Variants in CAMTA1 observed in about 807,000 individuals in gnomAD.
CAMTA1 encodes calmodulin binding transcription activator 1.
CAMTA1 carries 27 observed loss-of-function variants against 170.9 expected under a neutral mutation model. That is an observed-to-expected ratio of 0.16 (90% confidence interval 0.12 to 0.22). The LOEUF is 0.22. Among genes scored for constraint, CAMTA1 ranks in the 10% least tolerant of loss-of-function variants. CAMTA1 has a pLI of 1.00. For missense variants in CAMTA1, 1,619 were observed against 2,217.2 expected, an observed-to-expected ratio of 0.73 and a Z score of 5.42; for synonymous variants, 833 against 891.5, an observed-to-expected ratio of 0.93 and a Z score of 1.17.
At chr1:7,241,955 C>T (rs1264880181) in intron 4 of CAMTA1, among the ~76,000 whole-genome samples, 1 of 151,624 alleles carries the variant, frequency 6.6e-6, no homozygotes, top group African/African-American at 2.4e-5. Flanking sequence ...TGGAACTTAC[C>T]AAAGGGGAAA....
At chr1:6,832,890 C>T (rs1204714333) in intron 3 of CAMTA1, among the ~76,000 whole-genome samples, 1 of 152,128 alleles carries the variant, frequency 6.6e-6, no homozygotes, top group Non-Finnish European at 1.5e-5. Context: ...AAAAGTGATA[C>T]TTGTGTAGCA....
intron 5 of CAMTA1, among the ~76,000 whole-genome samples, chr1:7,347,055 C>T (rs2084275257): frequency 6.6e-6 from 1 of 152,202 alleles, no homozygotes; most frequent in African/African-American, 2.4e-5. Context: ...ATGTTCCTCT[C>T]CAAACTCCGT....
At chr1:7,124,708 C>A (rs765669750) in intron 4 of CAMTA1, among the ~76,000 whole-genome samples, 1 of 152,238 alleles carries the variant, frequency 6.6e-6, no homozygotes, top group Non-Finnish European at 1.5e-5. Context: ...GGGTCTCGTT[C>A]TTGAGTCCCC....
intron 5 of CAMTA1, among the ~76,000 whole-genome samples, chr1:7,381,182 T>G (rs2087282341): frequency 1.3e-5 from 2 of 151,974 alleles, no homozygotes; most frequent in South Asian, 4.2e-4. Flanking sequence ...ACTTTAAGTT[T>G]TAGGGTACAT....
At chr1:7,545,961 T>TC (rs1310077495) in intron 6 of CAMTA1, among the ~76,000 whole-genome samples, 2 of 149,746 alleles carry the variant, frequency 1.3e-5, no homozygotes, top group African/African-American at 4.9e-5. Flanking sequence ...TCTTTTCTTT[T>TC]TTTTTTTTTT....
intron 6 of CAMTA1, among the ~76,000 whole-genome samples, chr1:7,473,144 G>C (rs1404643977): frequency 6.6e-6 from 1 of 152,158 alleles, no homozygotes. Context: ...CTGGGGCTGA[G>C]AGCAGGGTTT....
intron 1 of CAMTA1, among the ~76,000 whole-genome samples, chr1:6,805,027 C>G (rs1644356369): frequency 6.6e-6 from 1 of 152,142 alleles, no homozygotes; most frequent in Non-Finnish European, 1.5e-5. Context: ...GTTTTCATTT[C>G]TGTTGGAAAG....
intron 3 of CAMTA1, among the ~76,000 whole-genome samples, chr1:7,037,694 C>T (rs575033770): frequency 2.4e-4 from 37 of 152,008 alleles, no homozygotes; most frequent in Admixed American, 7.9e-4. Context: ...AAAAACTAGC[C>T]GGGCATGGTG....
rs2101455959 is a variant in CAMTA1, at chr1:7,044,112, A to C, written c.235-47192A>C. Among the ~76,000 whole-genome samples the C allele has an allele frequency of 6.6e-6, 1 of 152,288 alleles. No homozygotes were observed. Among genetic ancestry groups the C allele is most frequent in the Non-Finnish European group, 1.5e-5 (1 of 68,014 alleles). ...GCTGCCGCCATCCCCTTCAGTGGGA[A>C]TTTCTCCTGGATGTCTCTGCAGAAG... On this transcript the variant is annotated intron_variant, in intron 3 of 22. Transcript: ENST00000303635. The surrounding 1 kb of genome is among the most constrained non-coding windows in gnomAD (Gnocchi z 5.0).
intron 4 of CAMTA1, among the ~76,000 whole-genome samples, chr1:7,156,964 C>G (rs1309944539): frequency 1.3e-5 from 2 of 152,172 alleles, no homozygotes; most frequent in African/African-American, 4.8e-5. Context: ...TTCCCAATCA[C>G]CTCTCTGTTC....
chr1:7,765,467 TACTACA>T (rs2097013999), intron 22 of CAMTA1, among the ~76,000 whole-genome samples: 1 of 152,266 alleles, frequency 6.6e-6, no homozygotes. Context: ...TAAATTTGTT[TACTACA>T]GTATGTTTGA....
intron 5 of CAMTA1, among the ~76,000 whole-genome samples, chr1:7,291,476 T>G (rs1401767750): frequency 6.6e-6 from 1 of 152,200 alleles, no homozygotes; most frequent in Non-Finnish European, 1.5e-5. Flanking sequence ...GCCCAGAGCC[T>G]GTTCCCAGTT....
At chr1:6,986,674 G>C in intron 3 of CAMTA1, among the ~76,000 whole-genome samples, 1 of 152,156 alleles carries the variant, frequency 6.6e-6, no homozygotes, top group Non-Finnish European at 1.5e-5. Flanking sequence ...CCATTAACCC[G>C]GGGAGGCTTC....
rs576330224 is a variant in CAMTA1, at chr1:7,010,735, C to G, written c.235-80569C>G. ...CCACCCTCACTGCCACCCCCAGCCC[C>G]AGCCTTCCTTTGTGCCCGTTTCTGA... On this transcript the variant is annotated intron_variant, in intron 3 of 22. Coordinates refer to ENST00000303635, the MANE Select transcript of CAMTA1 (RefSeq NM_015215.4). The surrounding 1 kb of genome is among the most constrained non-coding windows in gnomAD (Gnocchi z 4.4). 4.7e-4 allele frequency among the ~76,000 whole-genome samples: 72 copies of G among 152,320 alleles called. 2 individuals carry two copies. The South Asian group carries it at 9.5e-3, about 20-fold the overall frequency.
intron 4 of CAMTA1, among the ~76,000 whole-genome samples, chr1:7,238,074 C>T (rs1664213927): frequency 6.6e-6 from 1 of 152,056 alleles, no homozygotes; most frequent in African/African-American, 2.4e-5. Flanking sequence ...GGAAAAATTT[C>T]AAACATCTAC....
rs1319648873 is a variant in CAMTA1, at chr1:7,562,902, G to C, written c.511-77498G>C. On this transcript the variant is annotated intron_variant, in intron 6 of 22. Transcript: ENST00000303635. The surrounding 1 kb of genome is among the most constrained non-coding windows in gnomAD (Gnocchi z 4.8). ...CTCCGGGACTCTCCCAGGGCCCCAT[G>C]GGCTGTTTAGCCAGAGCTTGGGGCC... 6.6e-6 allele frequency among the ~76,000 whole-genome samples: 1 copy of C among 152,168 alleles called. No individual in the cohort carries two copies. The highest frequency in any genetic ancestry group is 1.5e-5 in the Non-Finnish European group (1 of 68,020).
At chr1:7,704,495 GCTCCGCCCGCAAC>G (rs2096483409) in intron 11 of CAMTA1, among the ~76,000 whole-genome samples, 1 of 146,802 alleles carries the variant, frequency 6.8e-6, no homozygotes, top group African/African-American at 2.5e-5. Context: ...CCCGGGCCGC[GCTCCGCCCGCAAC>G]CTCCGGCCGG....
intron 11 of CAMTA1, among the ~76,000 whole-genome samples, chr1:7,718,919 T>C (rs993523854): frequency 1.3e-5 from 2 of 151,182 alleles, no homozygotes; most frequent in Non-Finnish European, 2.9e-5. Context: ...TTCTTCTACA[T>C]TCATTTCACT....
Position 7,096,689 on chromosome 1 carries a change from C to T in CAMTA1, c.302+5318C>T, listed in dbSNP as rs76829777. 9.2e-4 allele frequency among the ~76,000 whole-genome samples: 140 copies of T among 152,292 alleles called. 1 individual carries two copies. The East Asian group carries it at 0.012, about 13-fold the overall frequency. On this transcript the variant is annotated intron_variant, in intron 4 of 22. Coordinates refer to ENST00000303635, the MANE Select transcript of CAMTA1 (RefSeq NM_015215.4). ...CGACTGTAATTCACATCCTCATTTT[C>T]GTATGTTTTCCCCCAGGTTCAGCTG...
Sources: allele counts gnomAD v4.1 joint callset (sites outside exome capture counted in the v4.1 genomes callset), GRCh38; gene constraint gnomAD v4.1.1; non-coding constraint Gnocchi (gnomAD v3.1); transcripts MANE v1.5; gene names NCBI Gene and HGNC (gene_info 2026-07-23, HGNC 2026-07-21).